The following RLN2 variants were observed in gnomAD, a reference collection of about 807,000 sequenced individuals.
RLN2 encodes the protein relaxin 2, also known as prorelaxin H2.
A neutral mutation model predicts 7.3 loss-of-function variants in RLN2; 10 were observed. The observed-to-expected ratio is 1.36, with a 90% confidence interval of 0.84 to 2.31. RLN2 has a LOEUF of 2.31. Among genes scored for constraint, RLN2 ranks in the 30% most tolerant of loss-of-function variants. The pLI, the probability that RLN2 is intolerant of heterozygous loss-of-function variation, is 0.00. For missense variants in RLN2, 298 were observed against 217.6 expected, an observed-to-expected ratio of 1.37 and a Z score of -2.32; for synonymous variants, 103 against 82.3, an observed-to-expected ratio of 1.25 and a Z score of -1.36.
chr9:5,330,777 A>G, the RLN2 span, among the ~76,000 whole-genome samples: 1 of 151,540 alleles, frequency 6.6e-6, no homozygotes, highest in Admixed American at 6.6e-5. Flanking sequence ...AAAAAAAAAA[A>G]AAAAACCTTC....
chr9:5,324,906 A>G, the RLN2 span, among the ~76,000 whole-genome samples: 2 of 152,042 alleles, frequency 1.3e-5, no homozygotes, highest in African/African-American at 4.8e-5. Flanking sequence ...ATTCAGCCAT[A>G]TGATGTAATT....
upstream of RLN2, among the ~76,000 whole-genome samples, chr9:5,307,826 G>A (rs947371749): frequency 2.6e-5 from 4 of 151,936 alleles, no homozygotes; most frequent in African/African-American, 9.7e-5. Flanking sequence ...ATCTTCCAGC[G>A]CCAACTTTGT....
chr9:5,335,875 T>C, the RLN2 span, among the ~76,000 whole-genome samples: 2 of 151,970 alleles, frequency 1.3e-5, no homozygotes, highest in African/African-American at 2.4e-5. Context: ...TACTTTTGAC[T>C]CTCCCTGACA....
upstream of RLN2, among the ~76,000 whole-genome samples, chr9:5,305,840 G>A (rs1816238001): frequency 1.3e-5 from 2 of 151,982 alleles, no homozygotes; most frequent in Non-Finnish European, 2.9e-5. Flanking sequence ...ATGTCAGTAG[G>A]CCCACTTAGC....
chr9:5,304,844 C>T (rs548373518), upstream of RLN2: 2 of 522,770 alleles, frequency 3.8e-6, no homozygotes. Flanking sequence ...TTTGCCCATC[C>T]CTCTGTCCTT....
chr9:5,320,382 A>AT, the RLN2 span, among the ~76,000 whole-genome samples: 1 of 151,616 alleles, frequency 6.6e-6, no homozygotes, highest in Non-Finnish European at 1.5e-5. Context: ...TTATTTTTTA[A>AT]TTTTTTGACA....
chr9:5,318,920 G>A, the RLN2 span, among the ~76,000 whole-genome samples: 1 of 151,856 alleles, frequency 6.6e-6, no homozygotes, highest in African/African-American at 2.4e-5. Context: ...AATAAGAAAA[G>A]GGCCAATCAA....
Position 5,304,672 on chromosome 9 carries a change from C to T in RLN2, c.-92G>A. ...ACACACCTGGGCCTGTGTGCCTGTC[C>T]CGGGCTTTAGGCTGCTTTCCCTACC... On this transcript the variant is annotated 5_prime_UTR_variant, in exon 1 of 2. Transcript: ENST00000381627. 1 of 1,353,706 alleles carries T rather than the reference C, an allele frequency of 7.4e-7. No homozygotes were observed. The highest frequency in any genetic ancestry group is 1.0e-6 in the Non-Finnish European group (1 of 956,496). 83.9% of individuals were successfully genotyped at this position (1,353,706 alleles called of 1,614,324 possible).
the RLN2 span, among the ~76,000 whole-genome samples, chr9:5,331,000 G>GAAATGGATAAATTCCTGGAC: frequency 6.6e-6 from 1 of 152,056 alleles, no homozygotes; most frequent in South Asian, 2.1e-4. Context: ...AAATCTAGAA[G>GAAATGGATAAATTCCTGGAC]AAATGGATAA....
the RLN2 span, among the ~76,000 whole-genome samples, chr9:5,313,607 T>A: frequency 6.6e-6 from 1 of 152,068 alleles, no homozygotes; most frequent in African/African-American, 2.4e-5. Context: ...TTGTGACAAT[T>A]TGATACATGC....
chr9:5,310,213 T>G, the RLN2 span, among the ~76,000 whole-genome samples: 2 of 152,076 alleles, frequency 1.3e-5, no homozygotes, highest in African/African-American at 4.8e-5. Flanking sequence ...CACCAATTTT[T>G]TGCACCCTAT....
Position 5,300,377 on chromosome 9 carries a change from A to G in RLN2, c.279T>C (p.Asn93=), listed in dbSNP as rs779694844. Residue 93 remains asparagine, a synonymous_variant, in exon 2 of 2, where the codon AAT becomes AAC. Transcript: ENST00000381627. ...GGGTTAACTTCAGCTCCTGTGGCAAATTAGCAACAAATTCTGACATCATAT... is the reference window on the plus strand; with the variant it reads ...GGGTTAACTTCAGCTCCTGTGGCAAGTTAGCAACAAATTCTGACATCATAT... ...TINMMSEFVA[N]LPQELKLTLS... The G allele has an allele frequency of 6.2e-7, 1 of 1,613,650 alleles. No individual in the cohort carries two copies. The highest frequency in any genetic ancestry group is 1.7e-5 in the Admixed American group (1 of 59,962).
chr9:5,300,153 G>C lies in RLN2; in HGVS notation c.503C>G (p.Ala168Gly), dbSNP rs372740663. The C allele has an allele frequency of 8.7e-6, 14 of 1,609,240 alleles. No individual in the cohort carries two copies. The highest frequency in any genetic ancestry group is 9.3e-6 in the Non-Finnish European group (11 of 1,178,794). Residue 168 changes from alanine (A) to glycine (G), a missense_variant, in exon 2 of 2, where the codon GCT becomes GGT. By Grantham distance (60) the Ala-to-Gly change is moderately conservative. Transcript: ENST00000381627. ...ACAACCAACATGGCAACATTTATTA[G>C]CCAATGCACTGTAGAGTTGTCTCTT... Reference protein sequence around the residue: ...RKKRQLYSALANKCCHVGCTK... With the variant: ...RKKRQLYSALGNKCCHVGCTK...
intron 1 of RLN2, among the ~76,000 whole-genome samples, chr9:5,302,601 G>A (rs1184111047): frequency 6.6e-6 from 1 of 152,080 alleles, no homozygotes; most frequent in Non-Finnish European, 1.5e-5. Flanking sequence ...CATCAATAAA[G>A]AAAATTCTTT....
chr9:5,332,688 T>C, the RLN2 span, among the ~76,000 whole-genome samples: 1 of 151,568 alleles, frequency 6.6e-6, no homozygotes, highest in Non-Finnish European at 1.5e-5. Context: ...AATGGCGCAA[T>C]CTCAGCTTAC....
chr9:5,319,009 T>A, the RLN2 span, among the ~76,000 whole-genome samples: 1 of 152,010 alleles, frequency 6.6e-6, no homozygotes, highest in African/African-American at 2.4e-5. Flanking sequence ...AAAAGCCTCT[T>A]AACCTTATAG....
At chr9:5,335,402 C>T in the RLN2 span, 1 of 1,613,706 alleles carries the variant, frequency 6.2e-7, no homozygotes, top group African/African-American at 1.3e-5. Context: ...TTCACTTTGC[C>T]TATTGCGAAT....
At chr9:5,330,940 C>T in the RLN2 span, among the ~76,000 whole-genome samples, 6 of 151,970 alleles carry the variant, frequency 3.9e-5, no homozygotes, top group East Asian at 1.2e-3. Flanking sequence ...CACAGAAATA[C>T]AAACTACCAT....
At chr9:5,335,679 A>G in the RLN2 span, 8 of 829,368 alleles carry the variant, frequency 9.6e-6, no homozygotes, top group South Asian at 1.8e-5. Context: ...GTTTGCATAC[A>G]CAAAGAAAAG....
Sources: gnomAD v4.1 joint callset for allele counts (sites outside exome capture counted in the v4.1 genomes callset) on GRCh38, gnomAD v4.1.1 for gene constraint, MANE v1.5 for transcripts, NCBI Gene and HGNC (gene_info 2026-07-23, HGNC 2026-07-21) for gene names.